Variants in LRRC28 observed in about 807,000 individuals in gnomAD.
The protein encoded by LRRC28 is leucine rich repeat containing 28, also known as leucine-rich repeat-containing protein 28.
Under a neutral mutation model 45.7 loss-of-function variants are expected in LRRC28, and 39 were observed. The observed-to-expected ratio is 0.85, with a 90% CI of 0.66 to 1.12. LRRC28 has a LOEUF of 1.12. Ranked by LOEUF, LRRC28 falls within the 50% of genes most tolerant of loss-of-function variation. The probability of loss-of-function intolerance (pLI) is 0.00; values close to 1 mark genes in which losing one functional copy is unlikely to be tolerated. For synonymous variants in LRRC28, 206 were observed against 178.8 expected (o/e 1.15, Z -1.22); for missense variants, 435 against 438.5 (o/e 0.99, Z 0.07).
chr15:99,255,231 C>G (rs763894600), intron 1 of LRRC28, among the ~76,000 whole-genome samples: 3 of 151,168 alleles, frequency 2.0e-5, no homozygotes, highest in Non-Finnish European at 4.4e-5. Flanking sequence ...TGGTGGTGCT[C>G]TCTATAGTAC....
chr15:99,341,937 G>T lies in LRRC28; in HGVS notation c.592+7808G>T, dbSNP rs1298734212. ...AAGTTCTTAAGTTCCAAACAAACCA[G>T]AAAAACAGGAACATAGTGCAGCTGA... On this transcript the variant is annotated intron_variant, in intron 6 of 9. Coordinates refer to ENST00000301981, the MANE Select transcript of LRRC28 (RefSeq NM_144598.5). 2.0e-5 allele frequency among the ~76,000 whole-genome samples: 3 copies of T among 152,092 alleles called. No homozygotes were observed. In the East Asian group the frequency reaches 5.8e-4, roughly 29 times the overall value.
intron 2 of LRRC28, chr15:99,258,711 G>A: frequency 2.8e-6 from 2 of 710,180 alleles, no homozygotes; most frequent in Middle Eastern, 2.5e-4. Flanking sequence ...TCAAAGGAAA[G>A]TGATGACCCT....
intron 2 of LRRC28, among the ~76,000 whole-genome samples, chr15:99,260,451 G>A (rs1010818683): frequency 3.9e-5 from 6 of 152,134 alleles, no homozygotes; most frequent in African/African-American, 1.4e-4. Context: ...TGTTGTATGT[G>A]TTTATAATGA....
At chr15:99,281,174 T>TG (rs2081778563) in intron 3 of LRRC28, among the ~76,000 whole-genome samples, 2 of 152,110 alleles carry the variant, frequency 1.3e-5, no homozygotes, top group African/African-American at 4.8e-5. Flanking sequence ...AGTACAGGCA[T>TG]GCACCACCAT....
rs1451979467 is a variant in LRRC28, at chr15:99,381,997, C to G, written c.1032-4033C>G. ...GGGGTCAGGGACCCACTTGAGGGGG[C>G]AGTCTGTCCGTTCTCAGATCTCAAA... On this transcript the variant is annotated intron_variant, in intron 9 of 9. Coordinates refer to ENST00000301981, the MANE Select transcript of LRRC28 (RefSeq NM_144598.5). 4.6e-5 allele frequency among the ~76,000 whole-genome samples: 7 copies of G among 152,334 alleles called. No individual in the cohort carries two copies. The East Asian group carries it at 5.8e-4, about 13-fold the overall frequency.
intron 5 of LRRC28, among the ~76,000 whole-genome samples, chr15:99,291,175 A>G (rs1286476549): frequency 6.6e-6 from 1 of 152,202 alleles, no homozygotes; most frequent in Non-Finnish European, 1.5e-5. Flanking sequence ...CTACTTTCAC[A>G]TAATTTATTT....
At chr15:99,333,307 C>G (rs1413673501) in intron 5 of LRRC28, among the ~76,000 whole-genome samples, 1 of 152,146 alleles carries the variant, frequency 6.6e-6, no homozygotes, top group East Asian at 1.9e-4. Context: ...TAAAGTAAGT[C>G]TTTATAGGGT....
At chr15:99,253,251 G>C (rs992362897) in intron 1 of LRRC28, among the ~76,000 whole-genome samples, 2 of 152,058 alleles carry the variant, frequency 1.3e-5, no homozygotes, top group Admixed American at 6.5e-5. Flanking sequence ...CTCCCGAGTA[G>C]CTGGGATTAC....
chr15:99,297,672 A>G lies in LRRC28; in HGVS notation c.385+9721A>G, dbSNP rs570044851. On this transcript the variant is annotated intron_variant, in intron 5 of 9. Coordinates refer to ENST00000301981, the MANE Select transcript of LRRC28 (RefSeq NM_144598.5). ...TTATAGTATAATTAAATATACATAT[A>G]TTAATAACTTTATAATAACAGATTT... is the stretch of plus-strand genomic sequence containing the variant. Among the ~76,000 whole-genome samples, 328 of 151,048 alleles carry G rather than the reference A, an allele frequency of 2.2e-3. 1 individual carries two copies. The highest frequency in any genetic ancestry group is 3.7e-3 in the Non-Finnish European group (250 of 67,812).
In LRRC28 at chr15:99,386,166, C is replaced by A; in HGVS notation, c.*64C>A. The A allele has an allele frequency of 1.6e-6, 2 of 1,279,272 alleles. No homozygotes were observed. The highest frequency in any genetic ancestry group is 2.3e-6 in the Non-Finnish European group (2 of 874,526). The allele number at this position is 1,279,272 out of a possible 1,614,324, so 79.2% of individuals were successfully genotyped here. A position where few individuals can be genotyped will look rare whatever the true frequency, so the allele number is the denominator to read the frequency against. On this transcript the variant is annotated 3_prime_UTR_variant, in exon 10 of 10. Transcript: ENST00000301981. ...ACTGGGGAATCCAGCCAGTCCAGCA[C>A]ACTCTTCCATCCTGTCCTGTCCAAT...
intron 6 of LRRC28, among the ~76,000 whole-genome samples, chr15:99,345,015 A>G (rs1956634857): frequency 6.6e-6 from 1 of 152,232 alleles, no homozygotes; most frequent in Non-Finnish European, 1.5e-5. Context: ...ACTTACTAAT[A>G]ATGAGAACAG....
intron 7 of LRRC28, among the ~76,000 whole-genome samples, chr15:99,356,602 A>G (rs1434562376): frequency 6.6e-6 from 1 of 152,228 alleles, no homozygotes; most frequent in African/African-American, 2.4e-5. Flanking sequence ...CTTGAAGGAA[A>G]ATAGGGAGAG....
chr15:99,350,649 C>G (rs1956848771), intron 6 of LRRC28, among the ~76,000 whole-genome samples: 2 of 152,200 alleles, frequency 1.3e-5, no homozygotes. Context: ...GTAAATGAAT[C>G]TAAAAACCTC....
At chr15:99,382,501 A>G (rs757339134) in intron 9 of LRRC28, among the ~76,000 whole-genome samples, 8 of 152,224 alleles carry the variant, frequency 5.3e-5, no homozygotes, top group Non-Finnish European at 1.0e-4. Flanking sequence ...TCTTTCACCT[A>G]GATATTTAGA....
At chr15:99,282,992 A>C (rs918407821) in intron 3 of LRRC28, among the ~76,000 whole-genome samples, 1 of 152,068 alleles carries the variant, frequency 6.6e-6, no homozygotes, top group Non-Finnish European at 1.5e-5. Context: ...TCCTGGGTTC[A>C]AGAGATTCTT....
rs1956818316 is a variant in LRRC28 at position 99,349,933 on chromosome 15, G to A, written c.593-2436G>A. Among the ~76,000 whole-genome samples, 12 of 151,500 alleles carry A rather than the reference G, an allele frequency of 7.9e-5. No individual in the cohort carries two copies. The South Asian group carries it at 8.4e-4, about 11-fold the overall frequency. On this transcript the variant is annotated intron_variant, in intron 6 of 9. Transcript: ENST00000301981. ...GGGTGGATCATGAGGTCAGGAGATC[G>A]AGACCATCCTGGCTAACAAGGTGAA... is the stretch of plus-strand genomic sequence containing the variant.
intron 2 of LRRC28, chr15:99,258,114 C>T: frequency 1.3e-6 from 2 of 1,595,670 alleles, no homozygotes; most frequent in South Asian, 1.1e-5. Context: ...AACCTTGGTA[C>T]CATAGCCAAA....
intron 5 of LRRC28, among the ~76,000 whole-genome samples, chr15:99,328,909 G>A (rs971644931): frequency 6.7e-6 from 1 of 149,830 alleles, no homozygotes; most frequent in Non-Finnish European, 1.5e-5. Context: ...CTTCAGACTG[G>A]GACTGAGCCA....
At chr15:99,317,274 A>C (rs2152272914) in intron 5 of LRRC28, among the ~76,000 whole-genome samples, 1 of 152,320 alleles carries the variant, frequency 6.6e-6, no homozygotes, top group South Asian at 2.1e-4. Context: ...AATGTTCCTT[A>C]AAATGTTGAT....
Sources: gnomAD v4.1 joint callset for allele counts (sites outside exome capture counted in the v4.1 genomes callset) on GRCh38, gnomAD v4.1.1 for gene constraint, MANE v1.5 for transcripts, NCBI Gene and HGNC (gene_info 2026-07-23, HGNC 2026-07-21) for gene names.